Variants in ABCC12 observed in about 807,000 individuals in gnomAD.
The protein encoded by ABCC12 is ATP-binding cassette sub-family C member 12.
In ABCC12, 142 loss-of-function variants were observed where a neutral mutation model predicts 151.1. The observed-to-expected ratio is 0.94, with a 90% CI of 0.82 to 1.08. ABCC12 has a LOEUF of 1.08. ABCC12 is among the 50% of genes least tolerant of loss of function. The pLI is 0.00. For synonymous variants in ABCC12, 645 were observed against 646.4 expected (o/e 1.00, Z 0.03); for missense variants, 1,638 against 1,691.1 (o/e 0.97, Z 0.55).
At chr16:48,109,486 T>C (rs1165852970) in intron 18 of ABCC12, among the ~76,000 whole-genome samples, 1 of 152,188 alleles carries the variant, frequency 6.6e-6, no homozygotes, top group Non-Finnish European at 1.5e-5. Context: ...AAAGCAGAAT[T>C]ATACACCGTA....
chr16:48,133,952 G>T, intron 8 of ABCC12, 117 bp from the exon 9 acceptor site: 1 of 1,267,424 alleles, frequency 7.9e-7, no homozygotes. Flanking sequence ...GTCCTGTTGT[G>T]AAGTTTAAAT....
intron 22 of ABCC12, among the ~76,000 whole-genome samples, chr16:48,101,916 C>T (rs1963321351): frequency 6.6e-6 from 1 of 152,172 alleles, no homozygotes; most frequent in South Asian, 2.1e-4. Context: ...AAATGACTCT[C>T]AGAAATTATT....
At chr16:48,097,231 T>A (rs539321354) in intron 23 of ABCC12, among the ~76,000 whole-genome samples, 1 of 151,978 alleles carries the variant, frequency 6.6e-6, no homozygotes, top group East Asian at 1.9e-4. Context: ...AGGTGCCGAG[T>A]GCTTCACATT....
rs551510905 is a variant in ABCC12, at chr16:48,087,782, A to G, written c.3635+144T>C. 13 of 811,332 alleles carry G rather than the reference A, an allele frequency of 1.6e-5. No homozygotes were observed. In the East Asian group the frequency reaches 3.5e-4, roughly 22 times the overall value. The allele number at this position is 811,332 out of a possible 1,614,324, so 50.3% of individuals were successfully genotyped here. ...GCTGGATGCAGAAACAGGGACCAGC[A>G]GTGCTTGTGAGCCCCCCTGGGATAC... On this transcript the variant is annotated intron_variant, in intron 27 of 30. Transcript: ENST00000311303.
At chr16:48,103,495 C>T (rs1246266557) in intron 22 of ABCC12, among the ~76,000 whole-genome samples, 1 of 152,188 alleles carries the variant, frequency 6.6e-6, no homozygotes, top group Non-Finnish European at 1.5e-5. Context: ...TCAATGATTA[C>T]CATTAAGGAG....
intron 19 of ABCC12, 111 bp downstream of exon 19, chr16:48,108,329 T>C (rs1963568598): frequency 2.1e-6 from 2 of 974,076 alleles, no homozygotes; most frequent in African/African-American, 1.6e-5. Context: ...TAAATGGCCC[T>C]AGCATAAACA....
Position 48,138,992 on chromosome 16 carries a change from AAAAC to A in ABCC12, c.831+167_831+170del, listed in dbSNP as rs201907694. 3.3e-3 allele frequency among the ~76,000 whole-genome samples: 498 copies of A among 151,316 alleles called. 6 individuals carry two copies. The highest frequency in any genetic ancestry group is 0.011 in the African/African-American group (429 of 40,648). Reference sequence around the variant, plus strand: ...ACTAAACAAAAACAAAACAAAAAACAAAACAAACAAACAAACAAAAAACCACTAC... The same window carrying A: ...ACTAAACAAAAACAAAACAAAAAACAAAACAAACAAACAAAAAACCACTAC... On this transcript the variant is annotated intron_variant, in intron 7 of 30. Coordinates refer to ENST00000311303, the MANE Select transcript of ABCC12 (RefSeq NM_001393797.1).
At chr16:48,116,909 G>A (rs1963902485) in intron 14 of ABCC12, among the ~76,000 whole-genome samples, 1 of 152,202 alleles carries the variant, frequency 6.6e-6, no homozygotes, top group African/African-American at 2.4e-5. Flanking sequence ...CTCCTGGCCT[G>A]GGCAGAGCCA....
At chr16:48,150,445 A>G (rs374570948) in intron 2 of ABCC12, among the ~76,000 whole-genome samples, 20 of 152,320 alleles carry the variant, frequency 1.3e-4, no homozygotes, top group Admixed American at 3.9e-4. Flanking sequence ...ATATCAAACT[A>G]TGTGTATAGC....
intron 1 of ABCC12, among the ~76,000 whole-genome samples, chr16:48,154,939 C>G (rs534068789): frequency 6.6e-6 from 1 of 152,360 alleles, no homozygotes; most frequent in African/African-American, 2.4e-5. Context: ...TGGTCTCCCC[C>G]AACTCCCACA....
chr16:48,084,437 TA>T (rs148699888), intron 29 of ABCC12, among the ~76,000 whole-genome samples: 6,300 of 152,320 alleles, frequency 0.041, 467 homozygotes, highest in African/African-American at 0.14. Context: ...TCATTCCCTA[TA>T]TTGCTGCCAT....
intron 4 of ABCC12, among the ~76,000 whole-genome samples, chr16:48,142,301 G>A (rs1447887244): frequency 6.6e-6 from 1 of 152,216 alleles, no homozygotes; most frequent in Non-Finnish European, 1.5e-5. Context: ...CTGGAAGTGG[G>A]CTGTGGCCTG....
At chr16:48,111,348 G>T in intron 18 of ABCC12, 88 bp downstream of exon 18, 1 of 1,434,158 alleles carries the variant, frequency 7.0e-7, no homozygotes. Flanking sequence ...AAAATGACAT[G>T]CACAGTGTCT....
At chr16:48,154,292 T>TACAACTTGCATGTAAACTA (rs1189995799) in intron 1 of ABCC12, among the ~76,000 whole-genome samples, 1 of 152,180 alleles carries the variant, frequency 6.6e-6, no homozygotes, top group Non-Finnish European at 1.5e-5. Flanking sequence ...CAACTTGCAG[T>TACAACTTGCATGTAAACTA]TCCATTTTAT....
chr16:48,118,387 A>T (rs1292692891), intron 13 of ABCC12, among the ~76,000 whole-genome samples: 1 of 151,736 alleles, frequency 6.6e-6, no homozygotes, highest in African/African-American at 2.4e-5. Context: ...TGGGGACCCA[A>T]CTCCTGCTCA....
In ABCC12 at chr16:48,081,034, T is replaced by C. The variant is rs1356813574; in HGVS notation, c.*2681A>G. Among the ~76,000 whole-genome samples, 3 of 152,142 alleles carry C rather than the reference T, an allele frequency of 2.0e-5. No individual in the cohort carries two copies. Among genetic ancestry groups the C allele is most frequent in the African/African-American group, 7.2e-5 (3 of 41,446 alleles). Reference sequence around the variant, plus strand: ...CACATGGAGGAAGGGGTGAACAAGCTTCCCCAAGTCTCTTTTATAAGAGAG... The same window carrying C: ...CACATGGAGGAAGGGGTGAACAAGCCTCCCCAAGTCTCTTTTATAAGAGAG... On this transcript the variant is annotated 3_prime_UTR_variant, in exon 31 of 31. Transcript: ENST00000311303.
chr16:48,147,920 C>G (rs1015487092), intron 2 of ABCC12, among the ~76,000 whole-genome samples: 2 of 152,178 alleles, frequency 1.3e-5, no homozygotes, highest in Non-Finnish European at 2.9e-5. Context: ...GCTCTTTAAT[C>G]ATTGTTAATG....
chr16:48,116,524 A>C (rs569628679), intron 14 of ABCC12, among the ~76,000 whole-genome samples: 2 of 152,258 alleles, frequency 1.3e-5, no homozygotes, highest in South Asian at 4.1e-4. Context: ...AGAGGCTAGG[A>C]AGTGAGTGGA....
intron 3 of ABCC12, among the ~76,000 whole-genome samples, chr16:48,144,372 T>G (rs1356295706): frequency 6.6e-6 from 1 of 152,166 alleles, no homozygotes; most frequent in East Asian, 1.9e-4. Context: ...CATCACTTCC[T>G]TTTTTTGTTC....
Sources: allele counts gnomAD v4.1 joint callset (sites outside exome capture counted in the v4.1 genomes callset), GRCh38; gene constraint gnomAD v4.1.1; transcripts MANE v1.5; gene names NCBI Gene and HGNC (gene_info 2026-07-23, HGNC 2026-07-21).